ACTR3C: variants seen among roughly 807,000 people sequenced by gnomAD.
ACTR3C encodes actin related protein 3C.
ACTR3C carries 18 observed loss-of-function variants against 26.3 expected under a neutral mutation model. That is an observed-to-expected ratio of 0.68 (90% CI 0.47 to 1.01). The LOEUF (loss-of-function observed/expected upper bound fraction) is 1.01, where lower values mean the gene tolerates loss of function less well. ACTR3C is among the 50% of genes least tolerant of loss of function. ACTR3C has a pLI of 0.00. For missense variants in ACTR3C, 184 were observed against 250.7 expected, an observed-to-expected ratio of 0.73 and a Z score of 1.80; for synonymous variants, 55 against 94.5, an observed-to-expected ratio of 0.58 and a Z score of 2.42.
rs183003851 is a variant in ACTR3C, at chr7:150,274,555, A to G, written c.564+10198T>C. On this transcript the variant is annotated intron_variant, in intron 6 of 7. Coordinates refer to ENST00000683684, the MANE Select transcript of ACTR3C (RefSeq NM_001164458.2). This position sits in a 1 kb window ranked among gnomAD's most constrained non-coding sequence, Gnocchi z 4.1. ...ATCTCCAAGTTATGCCTGTAGTAAT[A>G]TCTATCACATATCAAGTACTACACT... 3.9e-5 allele frequency among the ~76,000 whole-genome samples: 6 copies of G among 152,280 alleles called. No homozygotes were observed. The highest frequency in any genetic ancestry group is 1.4e-4 in the African/African-American group (6 of 41,560).
chr7:150,260,746 T>C, intron 6 of ACTR3C, among the ~76,000 whole-genome samples: 1 of 152,178 alleles, frequency 6.6e-6, no homozygotes, highest in East Asian at 1.9e-4. Flanking sequence ...ACGCTGACAT[T>C]GATTTTTAAA....
intron 1 of ACTR3C, among the ~76,000 whole-genome samples, chr7:150,311,504 A>T (rs999797394): frequency 6.6e-6 from 1 of 151,506 alleles, no homozygotes; most frequent in Non-Finnish European, 1.5e-5. Flanking sequence ...CTGCCCCTCG[A>T]CTCCTCCAGC....
the ACTR3C span, among the ~76,000 whole-genome samples, chr7:149,971,888 GTCATCTT>G: frequency 1.6e-4 from 25 of 152,206 alleles, no homozygotes; most frequent in Admixed American, 1.6e-3. Flanking sequence ...CTGTTGGAAC[GTCATCTT>G]TTCTTCTGGC....
chr7:150,133,429 C>G, the ACTR3C span, among the ~76,000 whole-genome samples: 2 of 152,154 alleles, frequency 1.3e-5, no homozygotes, highest in Non-Finnish European at 2.9e-5. Context: ...GCTCCGGCCT[C>G]TTTTCCACAG....
intron 6 of ACTR3C, among the ~76,000 whole-genome samples, chr7:150,282,446 G>T (rs1398123635): frequency 6.6e-6 from 1 of 150,552 alleles, no homozygotes; most frequent in Non-Finnish European, 1.5e-5. Flanking sequence ...TTCCCACAAC[G>T]GGGTATAGAG....
chr7:150,163,316 A>G, the ACTR3C span, among the ~76,000 whole-genome samples: 3 of 152,110 alleles, frequency 2.0e-5, no homozygotes, highest in South Asian at 6.2e-4. Flanking sequence ...AGGGTCCTTC[A>G]AAGAAACAAA....
chr7:150,074,232 C>T, the ACTR3C span: 1 of 152,112 alleles, frequency 6.6e-6, no homozygotes, highest in East Asian at 1.9e-4. Flanking sequence ...TACTCTAAAG[C>T]TTGATGATTC....
chr7:150,215,898 T>C, the ACTR3C span, among the ~76,000 whole-genome samples: 1 of 152,208 alleles, frequency 6.6e-6, no homozygotes, highest in South Asian at 2.1e-4. Context: ...CAATATGTAA[T>C]CTGTATATTG....
At chr7:150,196,883 G>A in the ACTR3C span, among the ~76,000 whole-genome samples, 1 of 152,180 alleles carries the variant, frequency 6.6e-6, no homozygotes, top group African/African-American at 2.4e-5. Context: ...CAGGGACTAT[G>A]TTCTTTGGTC....
chr7:150,259,254 G>C (rs1447529545), intron 6 of ACTR3C, among the ~76,000 whole-genome samples: 1 of 127,346 alleles, frequency 7.9e-6, no homozygotes, highest in Non-Finnish European at 1.7e-5. Context: ...AGAAAGAAAA[G>C]AAAGAGAAAG....
At chr7:150,289,123 G>A (rs1563184133) in intron 4 of ACTR3C, among the ~76,000 whole-genome samples, 2 of 152,062 alleles carry the variant, frequency 1.3e-5, no homozygotes, top group Admixed American at 6.5e-5. Flanking sequence ...ATTCTACAGC[G>A]AAGCATGGAG....
the ACTR3C span, among the ~76,000 whole-genome samples, chr7:149,944,944 C>T: frequency 1.3e-5 from 2 of 151,998 alleles, no homozygotes; most frequent in African/African-American, 4.8e-5. Context: ...CCAGGCCATG[C>T]AATGTGTCGT....
At chr7:150,259,291 A>AAGAAAGAAAG (rs879890269) in intron 6 of ACTR3C, among the ~76,000 whole-genome samples, 36 of 149,608 alleles carry the variant, frequency 2.4e-4, no homozygotes, top group African/African-American at 8.1e-4. Flanking sequence ...GAAAGAAAGA[A>AAGAAAGAAAG]AAAGAAAGAA....
intron 6 of ACTR3C, among the ~76,000 whole-genome samples, chr7:150,250,819 C>T (rs970595114): frequency 3.3e-5 from 5 of 151,818 alleles, no homozygotes; most frequent in African/African-American, 1.2e-4. Flanking sequence ...GTTGAGATGC[C>T]GATTAAGCAT....
At chr7:150,221,090 G>A in the ACTR3C span, among the ~76,000 whole-genome samples, 1 of 152,272 alleles carries the variant, frequency 6.6e-6, no homozygotes, top group South Asian at 2.1e-4. Flanking sequence ...AGCCCAGGCT[G>A]CACGAGCTAC....
At chr7:149,995,577 T>C in the ACTR3C span, among the ~76,000 whole-genome samples, 2 of 152,394 alleles carry the variant, frequency 1.3e-5, no homozygotes, top group East Asian at 1.9e-4. Context: ...GCGTTGTTTG[T>C]TGTGGTAGAA....
the ACTR3C span, among the ~76,000 whole-genome samples, chr7:150,209,168 G>A: frequency 6.7e-6 from 1 of 148,804 alleles, no homozygotes; most frequent in Non-Finnish European, 1.5e-5. Context: ...TAATATACAT[G>A]CACTTGAAAC....
the ACTR3C span, among the ~76,000 whole-genome samples, chr7:149,913,403 C>T: frequency 3.3e-5 from 5 of 152,144 alleles, no homozygotes; most frequent in Non-Finnish European, 5.9e-5. Context: ...ATAGGGGAGG[C>T]GGGTGGACAT....
chr7:150,200,699 C>T, the ACTR3C span, among the ~76,000 whole-genome samples: 3 of 152,068 alleles, frequency 2.0e-5, no homozygotes, highest in Admixed American at 2.0e-4. Flanking sequence ...TGATCTCATG[C>T]CTACATATGA....
Sources: allele counts gnomAD v4.1 joint callset (sites outside exome capture counted in the v4.1 genomes callset), GRCh38; gene constraint gnomAD v4.1.1; non-coding constraint Gnocchi (gnomAD v3.1); transcripts MANE v1.5; gene names NCBI Gene and HGNC (gene_info 2026-07-23, HGNC 2026-07-21).